The following SLIT1 variants were observed in gnomAD, a reference collection of about 807,000 sequenced individuals.
SLIT1 encodes the protein slit homolog 1 protein.
In SLIT1, 66 loss-of-function variants were observed where a neutral mutation model predicts 186.1. That is an observed-to-expected ratio of 0.35 (90% confidence interval 0.29 to 0.44). SLIT1 has a LOEUF of 0.44. Among genes scored for constraint, SLIT1 ranks in the 20% least tolerant of loss-of-function variants. SLIT1 has a pLI of 1.00. For missense variants in SLIT1, 1,638 were observed against 2,037.4 expected (o/e 0.80, Z 3.77); for synonymous variants, 761 against 833.8 (o/e 0.91, Z 1.50).
intron 4 of SLIT1, among the ~76,000 whole-genome samples, chr10:97,096,074 G>A (rs1049692974): frequency 2.6e-5 from 4 of 152,164 alleles, no homozygotes; most frequent in African/African-American, 9.7e-5. Context: ...CCCTGAGTGA[G>A]GCTGGCAGCT....
At chr10:97,144,867 T>C (rs1244483579) in intron 4 of SLIT1, among the ~76,000 whole-genome samples, 1 of 152,184 alleles carries the variant, frequency 6.6e-6, no homozygotes, top group Non-Finnish European at 1.5e-5. Flanking sequence ...CTGCACTACA[T>C]GCTCCATACA....
intron 4 of SLIT1, among the ~76,000 whole-genome samples, chr10:97,087,832 T>A (rs534547026): frequency 6.6e-6 from 1 of 152,268 alleles, no homozygotes; most frequent in East Asian, 1.9e-4. Context: ...ATTTCCCATT[T>A]TCATCTTTCT....
intron 29 of SLIT1, 71 bp downstream of exon 29, chr10:97,013,948 C>T: frequency 2.5e-6 from 4 of 1,588,240 alleles, no homozygotes; most frequent in Non-Finnish European, 2.6e-6. Context: ...CCCTTCCACT[C>T]CCGAGCATGG....
chr10:97,156,445 G>C (rs1337279827), intron 4 of SLIT1, among the ~76,000 whole-genome samples: 1 of 152,106 alleles, frequency 6.6e-6, no homozygotes, highest in African/African-American at 2.4e-5. Context: ...AGGCATGGTA[G>C]TGCATACCTG....
At chr10:97,130,792 C>T (rs1344862432) in intron 4 of SLIT1, among the ~76,000 whole-genome samples, 2 of 152,158 alleles carry the variant, frequency 1.3e-5, no homozygotes, top group Admixed American at 6.5e-5. Flanking sequence ...TAGAACATCA[C>T]GAGGCGCATA....
At chr10:97,127,999 C>T (rs976509541) in intron 4 of SLIT1, among the ~76,000 whole-genome samples, 2 of 152,196 alleles carry the variant, frequency 1.3e-5, no homozygotes, top group Non-Finnish European at 2.9e-5. Context: ...AGACCCAGCT[C>T]CCACACTGGC....
At chr10:97,090,291 T>C (rs1010593221) in intron 4 of SLIT1, among the ~76,000 whole-genome samples, 1 of 152,054 alleles carries the variant, frequency 6.6e-6, no homozygotes, top group Non-Finnish European at 1.5e-5. Context: ...TCCCTGTCTG[T>C]CAAGGGAGAA....
intron 4 of SLIT1, among the ~76,000 whole-genome samples, chr10:97,150,996 GC>G (rs1244827289): frequency 4.6e-5 from 7 of 151,462 alleles, no homozygotes; most frequent in East Asian, 3.9e-4. Flanking sequence ...GGGTATACCT[GC>G]CCCCCCGCCG....
At chr10:97,019,357 A>G (rs1848482926) in intron 26 of SLIT1, among the ~76,000 whole-genome samples, 1 of 152,146 alleles carries the variant, frequency 6.6e-6, no homozygotes, top group Non-Finnish European at 1.5e-5. Context: ...CAGTGTGCAA[A>G]GCATGCTTGG....
At chr10:97,060,556 C>T (rs1160373500) in intron 9 of SLIT1, 84 bp downstream of exon 9, 15 of 1,542,716 alleles carry the variant, frequency 9.7e-6, no homozygotes, top group South Asian at 1.2e-5. Flanking sequence ...CCTGAGGCAG[C>T]GCCTACTCCA....
At chr10:97,032,404 C>T (rs1287832634) in intron 23 of SLIT1, among the ~76,000 whole-genome samples, 2 of 151,866 alleles carry the variant, frequency 1.3e-5, no homozygotes, top group Non-Finnish European at 2.9e-5. Context: ...CCCCGTCTCT[C>T]CTAAAAATAC....
chr10:97,035,166 C>T (rs960086735), intron 22 of SLIT1, among the ~76,000 whole-genome samples: 1 of 152,168 alleles, frequency 6.6e-6, no homozygotes, highest in African/African-American at 2.4e-5. Context: ...TCCTCCGCTC[C>T]CGACTGTCTT....
intron 1 of SLIT1, among the ~76,000 whole-genome samples, chr10:97,170,326 T>C (rs1204500057): frequency 1.3e-5 from 2 of 152,246 alleles, no homozygotes; most frequent in Non-Finnish European, 2.9e-5. Flanking sequence ...TGGTGAGGTT[T>C]AAATGTCTTG....
At chr10:97,153,693 A>C (rs536326657) in intron 4 of SLIT1, 1 of 152,312 alleles carries the variant, frequency 6.6e-6, no homozygotes, top group South Asian at 2.1e-4. Flanking sequence ...CTCTCCCAGA[A>C]ACCCGGAGTT....
At chr10:97,164,792 G>A (rs758733858) in intron 2 of SLIT1, 27 bp downstream of exon 2, 3 of 1,575,998 alleles carry the variant, frequency 1.9e-6, no homozygotes, top group Non-Finnish European at 1.7e-6. Flanking sequence ...GCCAGGGGTG[G>A]GGTGGGAGGG....
chr10:97,034,947 A>G (rs1848625043), intron 22 of SLIT1, among the ~76,000 whole-genome samples: 1 of 152,100 alleles, frequency 6.6e-6, no homozygotes, highest in South Asian at 2.1e-4. Flanking sequence ...CAGTCCTATG[A>G]GGGAGAGGGC....
chr10:97,100,524 T>C (rs944781539), intron 4 of SLIT1, among the ~76,000 whole-genome samples: 5 of 151,698 alleles, frequency 3.3e-5, no homozygotes, highest in Non-Finnish European at 7.4e-5. Context: ...TAATCCCAGC[T>C]ACTCAGGAGG....
chr10:97,124,197 A>T (rs1396779335), intron 4 of SLIT1, among the ~76,000 whole-genome samples: 1 of 152,234 alleles, frequency 6.6e-6, no homozygotes, highest in African/African-American at 2.4e-5. Context: ...AATATGAAAA[A>T]TGGTAGGAAA....
In SLIT1 at chr10:97,042,943, G is replaced by C. The variant is rs1318864293; in HGVS notation, c.2122C>G (p.Pro708Ala). 3 of 1,614,104 alleles carry C rather than the reference G, an allele frequency of 1.9e-6. No homozygotes were observed. The highest frequency in any genetic ancestry group is 1.1e-5 in the South Asian group (1 of 91,090). Reference sequence around the variant, plus strand: ...TCAGGGAAGGCCACGTCCTGCAGGGGAATCTGCCGCAAAAAGTCAGGGTTC... The same window carrying C: ...TCAGGGAAGGCCACGTCCTGCAGGGCAATCTGCCGCAAAAAGTCAGGGTTC... Reference protein sequence around the residue: ...CQNPDFLRQIPLQDVAFPDFR... With the variant: ...CQNPDFLRQIALQDVAFPDFR... The change falls in exon 20 of 37, where the codon CCC (proline) becomes GCC (alanine). Residue 708 changes from proline to alanine, a missense_variant. Physicochemically the swap from Pro to Ala is conservative, Grantham distance 27 (BLOSUM62 -1). This residue lies in a region of SLIT1 where 1,245 missense variants were observed against 1,535.3 expected (regional missense o/e 0.81). Coordinates refer to ENST00000266058, the MANE Select transcript of SLIT1 (RefSeq NM_003061.3).
Sources: allele counts gnomAD v4.1 joint callset (sites outside exome capture counted in the v4.1 genomes callset), GRCh38; gene constraint gnomAD v4.1.1; regional missense constraint gnomAD v4.1.1; transcripts MANE v1.5; gene names NCBI Gene and HGNC (gene_info 2026-07-23, HGNC 2026-07-21).